Variants in DIAPH2 observed in about 807,000 individuals in gnomAD.
DIAPH2 encodes diaphanous related formin 2.
A neutral mutation model predicts 92.7 loss-of-function variants in DIAPH2; 35 were observed. The observed-to-expected ratio is 0.38, with a 90% CI of 0.29 to 0.50. The LOEUF is 0.50. Ranked by LOEUF, DIAPH2 falls within the 20% of genes least tolerant of loss-of-function variation. The pLI is 0.94. For missense variants in DIAPH2, 701 were observed against 819.5 expected, an observed-to-expected ratio of 0.86 and a Z score of 1.77; for synonymous variants, 301 against 280.4, an observed-to-expected ratio of 1.07 and a Z score of -0.73.
intron 1 of DIAPH2, among the ~76,000 whole-genome samples, chrX:96,689,317 T>A (rs917207462): frequency 9.8e-6 from 1 of 102,021 alleles, no homozygotes; most frequent in African/African-American, 3.6e-5. Flanking sequence ...GGGTAACCCA[T>A]TAAAGAGATT....
rs16982313 is a variant in DIAPH2 at position 97,151,657 on chromosome X, C to A, written c.2719+9863C>A. Among the ~76,000 whole-genome samples, 303 of 111,201 alleles carry A rather than the reference C, an allele frequency of 2.7e-3. 1 individual carries two copies. Among genetic ancestry groups the A allele is most frequent in the African/African-American group, 8.7e-3 (267 of 30,701 alleles). On this transcript the variant is annotated intron_variant, in intron 22 of 26. Coordinates refer to ENST00000324765, the MANE Select transcript of DIAPH2 (RefSeq NM_006729.5). ...GTCTTATATGTCATTGAATCCTTGGCACTTACTGACCTAAAATATTCACCA... is the reference window on the plus strand; with the variant it reads ...GTCTTATATGTCATTGAATCCTTGGAACTTACTGACCTAAAATATTCACCA...
At chrX:96,996,744 G>A (rs894054944) in intron 17 of DIAPH2, among the ~76,000 whole-genome samples, 1 of 111,595 alleles carries the variant, frequency 9.0e-6, no homozygotes, top group Non-Finnish European at 1.9e-5. Flanking sequence ...CTCAATGACT[G>A]TGTATATATG....
At chrX:96,974,026 C>T (rs754469122) in intron 17 of DIAPH2, among the ~76,000 whole-genome samples, 77 of 112,058 alleles carry the variant, frequency 6.9e-4, no homozygotes, top group Admixed American at 4.8e-3. Flanking sequence ...TCTGCAAGGG[C>T]TCCTGGAACC....
chrX:97,433,907 C>T (rs891434350), intron 26 of DIAPH2, among the ~76,000 whole-genome samples: 2 of 111,571 alleles, frequency 1.8e-5, no homozygotes, highest in Admixed American at 1.9e-4. Context: ...ATGGGACTTG[C>T]ATGCATTATC....
At chrX:97,209,919 T>C (rs1398660859) in intron 22 of DIAPH2, among the ~76,000 whole-genome samples, 1 of 111,177 alleles carries the variant, frequency 9.0e-6, no homozygotes, top group Non-Finnish European at 1.9e-5. Context: ...ATCTGAATGA[T>C]GAATACAAAT....
chrX:96,990,394 TAG>T (rs776664767), intron 17 of DIAPH2, among the ~76,000 whole-genome samples: 3 of 111,546 alleles, frequency 2.7e-5, no homozygotes, highest in African/African-American at 9.8e-5. Context: ...TATTTCCAAC[TAG>T]AGTGCGCATT....
At chrX:97,486,151 A>G (rs2070687013) in intron 26 of DIAPH2, among the ~76,000 whole-genome samples, 1 of 111,820 alleles carries the variant, frequency 8.9e-6, no homozygotes, top group Non-Finnish European at 1.9e-5. Context: ...TTTAAAATAA[A>G]AATATTGATG....
intron 9 of DIAPH2, among the ~76,000 whole-genome samples, chrX:96,924,902 C>T (rs1418303337): frequency 9.0e-6 from 1 of 111,461 alleles, no homozygotes; most frequent in Non-Finnish European, 1.9e-5. Flanking sequence ...CTGAGGATTA[C>T]AGTTTGACAT....
At chrX:97,159,678 T>G (rs1440423581) in intron 22 of DIAPH2, among the ~76,000 whole-genome samples, 2 of 112,435 alleles carry the variant, frequency 1.8e-5, no homozygotes, top group Non-Finnish European at 3.7e-5. Context: ...AACAGATTTT[T>G]TAAAATGAAA....
chrX:96,812,885 A>G (rs2064696947), intron 4 of DIAPH2, among the ~76,000 whole-genome samples: 1 of 111,709 alleles, frequency 9.0e-6, no homozygotes, highest in East Asian at 2.8e-4. Context: ...GGTCGGAGAG[A>G]CAGTTTGTTG....
chrX:97,247,173 T>C (rs1045550360), intron 22 of DIAPH2, among the ~76,000 whole-genome samples: 2 of 111,668 alleles, frequency 1.8e-5, no homozygotes, highest in African/African-American at 3.2e-5. Flanking sequence ...TTTGCTGGGG[T>C]TTGCTCTAAA....
chrX:97,080,482 C>A, intron 19 of DIAPH2, among the ~76,000 whole-genome samples: 1 of 104,435 alleles, frequency 9.6e-6, no homozygotes, highest in Non-Finnish European at 2.0e-5. Context: ...CTCCCCCGCC[C>A]CACCAATAAT....
At chrX:97,281,395 A>C (rs2068495333) in intron 23 of DIAPH2, among the ~76,000 whole-genome samples, 1 of 111,141 alleles carries the variant, frequency 9.0e-6, no homozygotes, top group African/African-American at 3.3e-5. Context: ...AGATCATTTA[A>C]GGCTCCTGCG....
chrX:97,391,025 T>C (rs1177632296), intron 25 of DIAPH2, among the ~76,000 whole-genome samples: 1 of 112,250 alleles, frequency 8.9e-6, no homozygotes, highest in Non-Finnish European at 1.9e-5. Flanking sequence ...TATTATTATT[T>C]ATTGTAATGT....
At chrX:96,778,627 ACTT>A (rs779095644) in intron 4 of DIAPH2, among the ~76,000 whole-genome samples, 1 of 111,667 alleles carries the variant, frequency 9.0e-6, no homozygotes, top group South Asian at 3.7e-4. Flanking sequence ...GCCCTTTATA[ACTT>A]CTTGTTTTCT....
Position 97,428,535 on chromosome X carries a change from C to CA in DIAPH2, c.3146-1099dup, listed in dbSNP as rs560564728. ...GGGCAACAAGAGCGAAACTCTGTCT[C>CA]AAAAAAAAAAAAAAAATGTATTTTC... On this transcript the variant is annotated intron_variant, in intron 25 of 26. Coordinates refer to ENST00000324765, the MANE Select transcript of DIAPH2 (RefSeq NM_006729.5). 7.3e-3 allele frequency among the ~76,000 whole-genome samples: 541 copies of CA among 73,936 alleles called. 3 individuals carry two copies. The highest frequency in any genetic ancestry group is 0.029 in the Middle Eastern group (4 of 138). The allele number at this position is 73,936 out of a possible 115,157, so 64.2% of individuals were successfully genotyped here.
chrX:96,747,485 A>C (rs1467484257), intron 3 of DIAPH2, among the ~76,000 whole-genome samples: 3 of 112,377 alleles, frequency 2.7e-5, no homozygotes, highest in Non-Finnish European at 5.6e-5. Flanking sequence ...TTTTCTATTC[A>C]GCAATTTATA....
At chrX:96,723,505 A>G (rs1212909586) in intron 1 of DIAPH2, among the ~76,000 whole-genome samples, 1 of 112,142 alleles carries the variant, frequency 8.9e-6, no homozygotes, top group Non-Finnish European at 1.9e-5. Context: ...GGTATTTTCT[A>G]CAGAAACTGT....
chrX:97,471,370 TA>T (rs2070560508), intron 26 of DIAPH2, among the ~76,000 whole-genome samples: 1 of 111,234 alleles, frequency 9.0e-6, no homozygotes, highest in African/African-American at 3.3e-5. Flanking sequence ...GGTCATTGCC[TA>T]AAAAAGTTGA....
Sources: allele counts gnomAD v4.1 joint callset (sites outside exome capture counted in the v4.1 genomes callset), GRCh38; gene constraint gnomAD v4.1.1; transcripts MANE v1.5; gene names NCBI Gene and HGNC (gene_info 2026-07-23, HGNC 2026-07-21).